EPB41L4A: variants seen among roughly 807,000 people sequenced by gnomAD.
The protein encoded by EPB41L4A is band 4.1-like protein 4A.
EPB41L4A carries 100 observed loss-of-function variants against 108.6 expected under a neutral mutation model. The ratio of observed to expected loss-of-function variants is 0.92; its 90% CI spans 0.78 to 1.09. The LOEUF is 1.09. Ranked by LOEUF, EPB41L4A falls within the 50% of genes least tolerant of loss-of-function variation. The pLI is 0.00. For missense variants in EPB41L4A, 1,030 were observed against 842.7 expected, an observed-to-expected ratio of 1.22 and a Z score of -2.75; for synonymous variants, 319 against 289.0, an observed-to-expected ratio of 1.10 and a Z score of -1.05.
intron 6 of EPB41L4A, chr5:112,263,816 CTT>C (rs369063745): frequency 6.2e-5 from 9 of 144,490 alleles, no homozygotes; most frequent in South Asian, 2.2e-4. Flanking sequence ...ACATTTTTTT[CTT>C]TTTTTTTTTT....
chr5:112,343,371 G>T (rs563840893), intron 1 of EPB41L4A, among the ~76,000 whole-genome samples: 98 of 152,048 alleles, frequency 6.4e-4, no homozygotes, highest in Non-Finnish European at 1.2e-3. Flanking sequence ...TTCAACTTTG[G>T]TACTTACCAG....
intron 22 of EPB41L4A, among the ~76,000 whole-genome samples, chr5:112,165,676 ACTT>A (rs1313154841): frequency 2.6e-5 from 4 of 152,272 alleles, no homozygotes; most frequent in East Asian, 3.9e-4. Context: ...CACAACTACT[ACTT>A]CTTATGCGAA....
At chr5:112,177,694 G>A (rs1212315963) in intron 18 of EPB41L4A, among the ~76,000 whole-genome samples, 1 of 151,550 alleles carries the variant, frequency 6.6e-6, no homozygotes, top group African/African-American at 2.4e-5. Context: ...AGCACAAGTG[G>A]AGCTATATTT....
At chr5:112,248,104 C>A (rs905444641) in intron 9 of EPB41L4A, among the ~76,000 whole-genome samples, 5 of 152,178 alleles carry the variant, frequency 3.3e-5, no homozygotes, top group Admixed American at 3.3e-4. Flanking sequence ...TTAGGACAAG[C>A]TGCCTATTTT....
intron 1 of EPB41L4A, among the ~76,000 whole-genome samples, chr5:112,375,187 G>A (rs1355464724): frequency 6.6e-6 from 1 of 152,026 alleles, no homozygotes; most frequent in East Asian, 1.9e-4. Flanking sequence ...AAACACTACG[G>A]TCCCAGAGTG....
chr5:112,203,463 G>A (rs1341538176), intron 15 of EPB41L4A, among the ~76,000 whole-genome samples: 4 of 152,168 alleles, frequency 2.6e-5, no homozygotes, highest in African/African-American at 9.7e-5. Flanking sequence ...ATGTAGGAGT[G>A]AAAAGAATTT....
rs571223525 is a variant in EPB41L4A, at chr5:112,294,035, GCCT to G, written c.204+13348_204+13350del. On this transcript the variant is annotated intron_variant, in intron 2 of 22. Coordinates refer to ENST00000261486, the MANE Select transcript of EPB41L4A (RefSeq NM_022140.5). The stretch of plus-strand genomic sequence containing the variant: ...TTGAACTCAAATCCTCATATAATAT[GCCT>G]CCTTTTATTACATACTACACCACTA... 5.7e-3 allele frequency among the ~76,000 whole-genome samples: 872 copies of G among 152,196 alleles called. 2 individuals carry two copies. Among genetic ancestry groups the G allele is most frequent in the Middle Eastern group, 0.014 (4 of 294 alleles).
At chr5:112,146,126 T>C (rs1330363335) in intron 12 of EPB41L4A, 7 of 347,904 alleles carry the variant, frequency 2.0e-5, no homozygotes, top group Admixed American at 4.0e-5. Context: ...CGAGACCACA[T>C]TCACTATTGT....
At chr5:112,248,937 C>G (rs1472824108) in intron 9 of EPB41L4A, among the ~76,000 whole-genome samples, 1 of 152,132 alleles carries the variant, frequency 6.6e-6, no homozygotes, top group Non-Finnish European at 1.5e-5. Context: ...ACAGCCACAA[C>G]TGGACAGTCT....
At chr5:112,230,401 T>A (rs1444894977) in intron 12 of EPB41L4A, among the ~76,000 whole-genome samples, 2 of 152,208 alleles carry the variant, frequency 1.3e-5, no homozygotes, top group African/African-American at 4.8e-5. Context: ...ATTATTTTTT[T>A]TATTTTTTAA....
intron 1 of EPB41L4A, among the ~76,000 whole-genome samples, chr5:112,353,014 G>C (rs1458012571): frequency 1.3e-5 from 2 of 152,138 alleles, no homozygotes; most frequent in Admixed American, 1.3e-4. Context: ...GTGTTGGTTA[G>C]GTAAGGTATT....
chr5:112,262,594 C>A lies in EPB41L4A; in HGVS notation c.555-13G>T. On this transcript the variant is annotated splice_polypyrimidine_tract_variant and intron_variant, in intron 6 of 22. Transcript: ENST00000261486. ...AGGAATCTGACCCCTACACCCAGCACAAAAACAAAGAGCCTTATTTTACAG... is the reference window on the plus strand; with the variant it reads ...AGGAATCTGACCCCTACACCCAGCAAAAAAACAAAGAGCCTTATTTTACAG... The A allele has an allele frequency of 6.2e-7, 1 of 1,611,026 alleles. No individual in the cohort carries two copies. Among genetic ancestry groups the A allele is most frequent in the East Asian group, 2.2e-5 (1 of 44,854 alleles).
chr5:112,183,979 G>A, intron 18 of EPB41L4A, 37 bp downstream of exon 18: 1 of 1,611,520 alleles, frequency 6.2e-7, no homozygotes, highest in African/African-American at 1.3e-5. Flanking sequence ...TTCAAATTCA[G>A]TGTTTTTGAA....
At chr5:112,285,573 G>T (rs530809379) in intron 2 of EPB41L4A, among the ~76,000 whole-genome samples, 6 of 152,256 alleles carry the variant, frequency 3.9e-5, no homozygotes, top group South Asian at 2.1e-4. Context: ...GAGCTATCTT[G>T]CAGTGGCGAC....
chr5:112,288,708 C>T lies in EPB41L4A; in HGVS notation c.205-8385G>A, dbSNP rs114769639. 8.6e-3 allele frequency among the ~76,000 whole-genome samples: 1,301 copies of T among 152,160 alleles called. 13 individuals carry two copies. The highest frequency in any genetic ancestry group is 0.03 in the African/African-American group (1,235 of 41,488). ...ATGTTCCACCACTGTATGTTTGGGG[C>T]GGGTAGGCAGGAAACATATCTTATC... On this transcript the variant is annotated intron_variant, in intron 2 of 22. Transcript: ENST00000261486.
chr5:112,264,641 A>G (rs1012459284), intron 6 of EPB41L4A: 13 of 274,136 alleles, frequency 4.7e-5, no homozygotes, highest in Non-Finnish European at 8.1e-5. Context: ...TGTACATACA[A>G]AGAGATGTCT....
intron 1 of EPB41L4A, among the ~76,000 whole-genome samples, chr5:112,364,925 T>C (rs548617392): frequency 2.4e-4 from 36 of 152,306 alleles, no homozygotes; most frequent in Admixed American, 1.8e-3. Flanking sequence ...CATAGAACCA[T>C]ATGTGAGTAT....
At chr5:112,243,665 A>T (rs1043921701) in intron 9 of EPB41L4A, among the ~76,000 whole-genome samples, 1 of 152,136 alleles carries the variant, frequency 6.6e-6, no homozygotes, top group African/African-American at 2.4e-5. Context: ...GCAGCTTCTA[A>T]ATCAGTACTT....
rs768028058 is a variant in EPB41L4A, at chr5:112,239,698, G to A, written c.927C>T (p.Leu309=). ...ENESNSLSRK[L]SKFGSIRYKH... is the part of the protein sequence containing the mutation. ...TATAACGTATGGATCCAAACTTGCT[G>A]AGTTTTCTTGACAGTGAATTGGATT... Residue 309 remains leucine (L), a synonymous_variant, in exon 11 of 23, where the codon CTC becomes CTT. Transcript: ENST00000261486. The A allele has an allele frequency of 1.2e-6, 2 of 1,609,542 alleles. No homozygotes were observed. Among genetic ancestry groups the A allele is most frequent in the Non-Finnish European group, 1.7e-6 (2 of 1,178,072 alleles).
Sources: allele counts gnomAD v4.1 joint callset (sites outside exome capture counted in the v4.1 genomes callset), GRCh38; gene constraint gnomAD v4.1.1; transcripts MANE v1.5; gene names NCBI Gene and HGNC (gene_info 2026-07-23, HGNC 2026-07-21).